The following HYCC1 variants were observed in gnomAD, a reference collection of about 807,000 sequenced individuals.
HYCC1 encodes the protein hyccin PI4KA lipid kinase complex subunit 1.
the HYCC1 span, among the ~76,000 whole-genome samples, chr7:23,012,397 G>A: frequency 6.6e-6 from 1 of 152,152 alleles, no homozygotes; most frequent in Admixed American, 6.5e-5. Context: ...TCTGTATCCA[G>A]GTACTGCTAA....
At chr7:22,994,994 G>A in the HYCC1 span, among the ~76,000 whole-genome samples, 1 of 152,026 alleles carries the variant, frequency 6.6e-6, no homozygotes, top group African/African-American at 2.4e-5. Context: ...TCTATTACCA[G>A]CAAAATCCTC....
At chr7:22,956,203 G>C in the HYCC1 span, among the ~76,000 whole-genome samples, 60 of 151,648 alleles carry the variant, frequency 4.0e-4, no homozygotes, top group Non-Finnish European at 7.2e-4. Context: ...GAAAATCTAT[G>C]TTTGAAAAAA....
the HYCC1 span, among the ~76,000 whole-genome samples, chr7:22,970,592 G>A: frequency 1.3e-5 from 2 of 152,174 alleles, no homozygotes; most frequent in African/African-American, 4.8e-5. Context: ...TGATGGTCAC[G>A]GAAAGCCTCT....
At chr7:22,983,889 A>T in the HYCC1 span, 1 of 1,055,202 alleles carries the variant, frequency 9.5e-7, no homozygotes. Context: ...ACAATAAAAA[A>T]TTAAAAATCA....
chr7:23,003,974 TA>T, the HYCC1 span, among the ~76,000 whole-genome samples: 7,742 of 152,328 alleles, frequency 0.051, 226 homozygotes, highest in Non-Finnish European at 0.055. Flanking sequence ...TTTCTTGGTT[TA>T]AAAACATTAT....
the HYCC1 span, among the ~76,000 whole-genome samples, chr7:22,987,365 C>T: frequency 1.1e-4 from 17 of 152,192 alleles, no homozygotes; most frequent in African/African-American, 1.7e-4. Context: ...CTCGCTAACA[C>T]GGCAAGACCC....
At chr7:22,911,573 C>G in the HYCC1 span, among the ~76,000 whole-genome samples, 2 of 152,170 alleles carry the variant, frequency 1.3e-5, no homozygotes, top group South Asian at 4.1e-4. Flanking sequence ...TCCTAGCCAA[C>G]ATGGTGAAAC....
chr7:22,955,159 C>T, the HYCC1 span, among the ~76,000 whole-genome samples: 6 of 151,428 alleles, frequency 4.0e-5, no homozygotes, highest in African/African-American at 1.5e-4. Flanking sequence ...GCATTTGATG[C>T]TATACTCAAA....
At chr7:22,947,020 T>C in the HYCC1 span, 6 of 1,549,972 alleles carry the variant, frequency 3.9e-6, no homozygotes, top group Admixed American at 2.0e-5. Context: ...CCATCCTCCA[T>C]CATTTTTCTT....
chr7:23,005,893 A>G, the HYCC1 span, among the ~76,000 whole-genome samples: 4 of 151,932 alleles, frequency 2.6e-5, no homozygotes, highest in Non-Finnish European at 5.9e-5. Context: ...TAATATTTTC[A>G]CCTTCCTCTC....
the HYCC1 span, chr7:22,946,886 T>C: frequency 9.2e-5 from 123 of 1,340,918 alleles, no homozygotes; most frequent in East Asian, 3.0e-3. Context: ...TTAGATTACA[T>C]GCAAAATTTT....
At chr7:22,910,096 G>A in the HYCC1 span, among the ~76,000 whole-genome samples, 6 of 152,182 alleles carry the variant, frequency 3.9e-5, no homozygotes, top group Non-Finnish European at 7.3e-5. Context: ...CTATTAATAA[G>A]CACCAGCAAG....
At chr7:22,926,224 A>C in the HYCC1 span, among the ~76,000 whole-genome samples, 1 of 152,146 alleles carries the variant, frequency 6.6e-6, no homozygotes, top group Non-Finnish European at 1.5e-5. Context: ...GCCACTGCAA[A>C]AACATGCCAA....
At chr7:22,945,691 T>C in the HYCC1 span, 9 of 1,613,834 alleles carry the variant, frequency 5.6e-6, no homozygotes, top group Admixed American at 1.7e-5. Context: ...TAAGCTTTTC[T>C]TCTTGGAGAC....
the HYCC1 span, among the ~76,000 whole-genome samples, chr7:22,898,989 A>G: frequency 6.6e-5 from 10 of 152,286 alleles, no homozygotes; most frequent in South Asian, 2.1e-4. Flanking sequence ...TTGGTCCAAA[A>G]TGTTCAAAAT....
the HYCC1 span, among the ~76,000 whole-genome samples, chr7:22,926,538 C>T: frequency 6.6e-6 from 1 of 152,142 alleles, no homozygotes; most frequent in Non-Finnish European, 1.5e-5. Context: ...CAATCCTAGT[C>T]TCAGATAAAA....
At chr7:22,913,792 G>T in the HYCC1 span, among the ~76,000 whole-genome samples, 1 of 152,206 alleles carries the variant, frequency 6.6e-6, no homozygotes, top group Admixed American at 6.5e-5. Flanking sequence ...CTCACACAAC[G>T]CCTGTTTGCT....
At chr7:22,940,577 C>G in the HYCC1 span, 1 of 151,946 alleles carries the variant, frequency 6.6e-6, no homozygotes, top group Non-Finnish European at 1.5e-5. Context: ...TAAGTACATG[C>G]TATAATGCAA....
chr7:23,011,421 G>C, the HYCC1 span, among the ~76,000 whole-genome samples: 1 of 151,908 alleles, frequency 6.6e-6, no homozygotes, highest in Non-Finnish European at 1.5e-5. Flanking sequence ...TTCCATTTTT[G>C]TGTTCCTCAT....
Sources: allele counts gnomAD v4.1 joint callset (sites outside exome capture counted in the v4.1 genomes callset), GRCh38; gene constraint gnomAD v4.1.1; transcripts MANE v1.5; gene names NCBI Gene and HGNC (gene_info 2026-07-23, HGNC 2026-07-21).